KATNAL2: variants seen among roughly 807,000 people sequenced by gnomAD.
KATNAL2 encodes katanin catalytic subunit A1 like 2.
KATNAL2 carries 52 observed loss-of-function variants against 76.3 expected under a neutral mutation model. That is an observed-to-expected ratio of 0.68 (90% CI 0.55 to 0.86). The LOEUF (loss-of-function observed/expected upper bound fraction) is 0.86, where lower values mean the gene tolerates loss of function less well. Among genes scored for constraint, KATNAL2 ranks in the 40% least tolerant of loss-of-function variants. The pLI is 0.00. For synonymous variants in KATNAL2, 243 were observed against 244.2 expected (o/e 1.00, Z 0.05); for missense variants, 660 against 668.9 (o/e 0.99, Z 0.15).
At chr18:47,054,942 G>T (rs1228451561) in intron 6 of KATNAL2, among the ~76,000 whole-genome samples, 1 of 152,230 alleles carries the variant, frequency 6.6e-6, no homozygotes, top group Admixed American at 6.5e-5. Flanking sequence ...CCTGACCAGT[G>T]GGGACCCATT....
intron 1 of KATNAL2, among the ~76,000 whole-genome samples, chr18:46,921,693 CA>C (rs34156817): frequency 0.085 from 11,702 of 137,436 alleles, 505 homozygotes; most frequent in African/African-American, 0.13. Flanking sequence ...AAACACATAA[CA>C]AAAAAAAAAA....
intron 1 of KATNAL2, among the ~76,000 whole-genome samples, chr18:46,922,896 T>C (rs562818560): frequency 1.3e-5 from 2 of 148,166 alleles, no homozygotes; most frequent in South Asian, 2.1e-4. Context: ...AATATCATAT[T>C]AATATAATAT....
chr18:47,085,640 T>C (rs2062737735), intron 15 of KATNAL2, among the ~76,000 whole-genome samples: 2 of 152,176 alleles, frequency 1.3e-5, no homozygotes, highest in African/African-American at 4.8e-5. Flanking sequence ...AGAGGACTAC[T>C]TTCCATACTC....
intron 15 of KATNAL2, among the ~76,000 whole-genome samples, chr18:47,079,069 A>G (rs1283096800): frequency 6.6e-6 from 1 of 152,226 alleles, no homozygotes; most frequent in African/African-American, 2.4e-5. Flanking sequence ...CCCCGTTTTA[A>G]TAACTAACAC....
Position 46,922,090 on chromosome 18 carries a change from A to T in KATNAL2, c.-510+4164A>T, listed in dbSNP as rs563039840. Among the ~76,000 whole-genome samples, 560 of 150,358 alleles carry T rather than the reference A, an allele frequency of 3.7e-3. 3 individuals carry two copies. The highest frequency in any genetic ancestry group is 6.3e-3 in the Non-Finnish European group (423 of 67,678). ...AAACTGAACAAGGAATTAAAAAAAA[A>T]TTTTTCCTCACTTTTTTTTTTTTTT... On this transcript the variant is annotated intron_variant, in intron 1 of 17. Transcript: ENST00000683218.
intron 3 of KATNAL2, among the ~76,000 whole-genome samples, chr18:47,037,141 A>G (rs1248070577): frequency 6.6e-6 from 1 of 152,212 alleles, no homozygotes; most frequent in Admixed American, 6.5e-5. Context: ...GAGCTCATGC[A>G]AATTAATCTC....
chr18:47,049,846 CTG>C (rs1479304575), intron 4 of KATNAL2, among the ~76,000 whole-genome samples: 1 of 152,096 alleles, frequency 6.6e-6, no homozygotes, highest in Non-Finnish European at 1.5e-5. Flanking sequence ...TCCTGTGTAG[CTG>C]AAACTACAGG....
Position 47,052,873 on chromosome 18 carries a change from C to A in KATNAL2, c.123-7C>A. 1 of 1,585,186 alleles carries A rather than the reference C, an allele frequency of 6.3e-7. No homozygotes were observed. The highest frequency in any genetic ancestry group is 1.2e-5 in the South Asian group (1 of 85,952). ...AATTTCTTCTTTTTATTCTGTGAAA[C>A]TGCCAGGTATATCGATACAGCAAAT... is the stretch of plus-strand genomic sequence containing the variant. On this transcript the variant is annotated splice_polypyrimidine_tract_variant and splice_region_variant and intron_variant, in intron 4 of 17. Coordinates refer to ENST00000683218, the MANE Select transcript of KATNAL2 (RefSeq NM_001387690.1).
chr18:46,933,334 T>C (rs890173864), intron 1 of KATNAL2, among the ~76,000 whole-genome samples: 1 of 152,122 alleles, frequency 6.6e-6, no homozygotes, highest in Non-Finnish European at 1.5e-5. Flanking sequence ...ACAAACTGAG[T>C]TGTGATTTTT....
chr18:47,060,438 T>C (rs2061598553), intron 8 of KATNAL2, among the ~76,000 whole-genome samples: 1 of 152,216 alleles, frequency 6.6e-6, no homozygotes, highest in African/African-American at 2.4e-5. Flanking sequence ...TTGTCCTTGA[T>C]AGATATTTTT....
At position 47,100,317 on chromosome 18, in the gene KATNAL2, G is replaced by T. The variant is rs369811935; in HGVS notation, c.1438G>T (p.Val480Leu). ...CTGCAGGGAAGCAGCCATGCGGCCC[G>T]TGAGGAAGATCTTTGATGCACTTGA... ...LVCREAAMRP[V>L]RKIFDALENH... The change falls in exon 17 of 18, where the codon GTG (valine) becomes TTG (leucine). Residue 480 changes from valine (V) to leucine (L), a missense_variant. Transcript: ENST00000683218. 4.3e-6 allele frequency: 7 copies of T among 1,614,130 alleles called. No individual in the cohort carries two copies. Among genetic ancestry groups the T allele is most frequent in the Non-Finnish European group, 5.1e-6 (6 of 1,179,968 alleles).
intron 3 of KATNAL2, among the ~76,000 whole-genome samples, chr18:47,041,807 G>A (rs958711143): frequency 6.6e-6 from 1 of 152,220 alleles, no homozygotes; most frequent in Non-Finnish European, 1.5e-5. Context: ...GCCTTTCAAA[G>A]TGTTTGTACT....
chr18:46,943,666 C>T (rs1467225271), intron 1 of KATNAL2, among the ~76,000 whole-genome samples: 3 of 152,248 alleles, frequency 2.0e-5, no homozygotes, highest in African/African-American at 7.2e-5. Context: ...GCTGCCCTGC[C>T]TATGGAGTAG....
intron 3 of KATNAL2, chr18:47,032,821 T>C: frequency 9.2e-7 from 1 of 1,090,324 alleles, no homozygotes; most frequent in Non-Finnish European, 1.3e-6. Flanking sequence ...AGCTGGGAGG[T>C]AGTGGCTGGG....
intron 1 of KATNAL2, among the ~76,000 whole-genome samples, chr18:46,919,063 T>C (rs2146444820): frequency 6.6e-6 from 1 of 151,604 alleles, no homozygotes; most frequent in South Asian, 2.1e-4. Context: ...ACACACATAT[T>C]GTTTTGGCCA....
In KATNAL2 at chr18:46,953,420, G is replaced by A. The variant is rs115690246; in HGVS notation, c.51+6497G>A. On this transcript the variant is annotated intron_variant, in intron 3 of 17. Transcript: ENST00000683218. ...TTTGGGAGGCCAAGGCAGGCGGAGC[G>A]CTTGAGGCCAGAGGTCGAGACCAGC... is the stretch of plus-strand genomic sequence containing the variant. 6.3e-3 allele frequency among the ~76,000 whole-genome samples: 959 copies of A among 152,236 alleles called. 7 individuals are homozygous for A. The highest frequency in any genetic ancestry group is 0.022 in the African/African-American group (899 of 41,538).
chr18:47,073,763 C>G (rs989691879), intron 13 of KATNAL2, among the ~76,000 whole-genome samples: 1 of 152,174 alleles, frequency 6.6e-6, no homozygotes, highest in African/African-American at 2.4e-5. Context: ...GCACCGCCCC[C>G]CAGTTGTATG....
chr18:46,931,543 C>T (rs561018268), intron 1 of KATNAL2, among the ~76,000 whole-genome samples: 21 of 152,088 alleles, frequency 1.4e-4, no homozygotes, highest in African/African-American at 5.1e-4. Flanking sequence ...GTCAAAGCTA[C>T]TCAGGAGACT....
At position 47,067,499 on chromosome 18, in the gene KATNAL2, G is replaced by GC. The variant is rs1403408175; in HGVS notation, c.825+386dup. On this transcript the variant is annotated intron_variant, in intron 11 of 17. Coordinates refer to ENST00000683218, the MANE Select transcript of KATNAL2 (RefSeq NM_001387690.1). Reference sequence around the variant, plus strand: ...CCACAGATCCTTCCTTTACACCCCTGCCCCCCTGACCTACCCTCCCCAGGA... The same window carrying GC: ...CCACAGATCCTTCCTTTACACCCCTGCCCCCCCTGACCTACCCTCCCCAGGA... 6.6e-5 allele frequency among the ~76,000 whole-genome samples: 10 copies of GC among 152,004 alleles called. No individual in the cohort carries two copies. In the South Asian group the frequency reaches 1.9e-3, roughly 28 times the overall value.
Sources: gnomAD v4.1 joint callset for allele counts (sites outside exome capture counted in the v4.1 genomes callset) on GRCh38, gnomAD v4.1.1 for gene constraint, MANE v1.5 for transcripts, NCBI Gene and HGNC (gene_info 2026-07-23, HGNC 2026-07-21) for gene names.